ADGRG2: variants seen among roughly 807,000 people sequenced by gnomAD.
The protein encoded by ADGRG2 is adhesion G protein-coupled receptor G2.
Under a neutral mutation model 74.1 loss-of-function variants are expected in ADGRG2, and 26 were observed. The observed-to-expected ratio is 0.35, with a 90% CI of 0.26 to 0.49. ADGRG2 has a LOEUF of 0.49. Ranked by LOEUF, ADGRG2 falls within the 20% of genes least tolerant of loss-of-function variation. ADGRG2 has a pLI of 0.99. For synonymous variants in ADGRG2, 296 were observed against 295.2 expected, an observed-to-expected ratio of 1.00 and a Z score of -0.03; for missense variants, 619 against 763.1, an observed-to-expected ratio of 0.81 and a Z score of 2.22.
chrX:19,013,785 C>T lies in ADGRG2; in HGVS notation c.1000G>A (p.Val334Ile). Residue 334 changes from valine to isoleucine, a missense_variant, in exon 16 of 29, where the codon GTC becomes ATC. Physicochemically the swap from Val to Ile is conservative, Grantham distance 29. Coordinates refer to ENST00000379869, the MANE Select transcript of ADGRG2 (RefSeq NM_001079858.3). ...TISSPMPQTH[V>I]SGTPPPVKAS... ...TTCACAGGAGGTGGGGTGCCGGAGA[C>T]ATGGGTTTGGGGCATAGGGGAAGAG... 1 of 1,199,056 alleles carries T rather than the reference C, an allele frequency of 8.3e-7. No individual in the cohort carries two copies. The highest frequency in any genetic ancestry group is 3.0e-5 in the East Asian group (1 of 33,632).
chrX:19,107,241 A>T (rs992711741), intron 1 of ADGRG2, among the ~76,000 whole-genome samples: 1 of 112,349 alleles, frequency 8.9e-6, no homozygotes, highest in African/African-American at 3.2e-5. Context: ...ATCCCCAGGC[A>T]ATCGTTTTGC....
rs151258420 is a variant in ADGRG2 at position 19,059,160 on chromosome X, G to A, written c.118+9557C>T. ...ATTGTTGCGCCTGTGAATAGGCACC[G>A]CATTCCAGCCTGGGCAACACAGTGA... On this transcript the variant is annotated intron_variant, in intron 3 of 28. Transcript: ENST00000379869. Among the ~76,000 whole-genome samples, 138 of 111,444 alleles carry A rather than the reference G, an allele frequency of 1.2e-3. 2 individuals are homozygous for A. Among genetic ancestry groups the A allele is most frequent in the Middle Eastern group, 4.6e-3 (1 of 216 alleles).
intron 8 of ADGRG2, 83 bp from the exon 9 acceptor site, chrX:19,031,120 T>C: frequency 1.5e-6 from 1 of 664,427 alleles, no homozygotes; most frequent in East Asian, 3.3e-5. Context: ...TTCATAAACG[T>C]AGGCATCAAA....
At chrX:18,998,256 T>C (rs1350403585) in intron 26 of ADGRG2, among the ~76,000 whole-genome samples, 1 of 110,709 alleles carries the variant, frequency 9.0e-6, no homozygotes, top group Non-Finnish European at 1.9e-5. Flanking sequence ...GAGGGGAGAG[T>C]GGTGAGCTCC....
chrX:19,067,499 C>T (rs1458684196), intron 3 of ADGRG2, among the ~76,000 whole-genome samples: 1 of 111,743 alleles, frequency 8.9e-6, no homozygotes, highest in African/African-American at 3.3e-5. Context: ...AATGATAAAT[C>T]GATCAAAGGA....
In ADGRG2 at chrX:19,027,204, C is replaced by T. The variant is rs746045274; in HGVS notation, c.470+15G>A. 21 of 1,076,375 alleles carry T rather than the reference C, an allele frequency of 2.0e-5. No homozygotes were observed. In the South Asian group the frequency reaches 2.0e-4, roughly 10 times the overall value. The allele number at this position is 1,076,375 out of a possible 1,213,427, so 88.7% of individuals were successfully genotyped here. On this transcript the variant is annotated intron_variant, in intron 11 of 28. Coordinates refer to ENST00000379869, the MANE Select transcript of ADGRG2 (RefSeq NM_001079858.3). Reference sequence around the variant, plus strand: ...TTGATGTCTGCAGTTTCAAATCAAACGGCAGATTACTCACTTTAATTCACT... The same window carrying T: ...TTGATGTCTGCAGTTTCAAATCAAATGGCAGATTACTCACTTTAATTCACT...
intron 9 of ADGRG2, among the ~76,000 whole-genome samples, chrX:19,029,612 A>G (rs764037614): frequency 7.2e-5 from 8 of 111,556 alleles, no homozygotes; most frequent in Admixed American, 1.9e-4. Flanking sequence ...ACACTAAAAC[A>G]AACGGTCAAT....
chrX:19,093,156 C>T (rs1302176915), intron 1 of ADGRG2, among the ~76,000 whole-genome samples: 1 of 112,206 alleles, frequency 8.9e-6, no homozygotes, highest in Non-Finnish European at 1.9e-5. Context: ...AACTAACCTG[C>T]TCAGGGTTTG....
chrX:19,036,808 G>A (rs2060950918), intron 6 of ADGRG2, among the ~76,000 whole-genome samples: 1 of 111,459 alleles, frequency 9.0e-6, no homozygotes. Flanking sequence ...ATCTATGATT[G>A]TTTAGCTCCT....
At chrX:19,053,902 G>T (rs977285238) in intron 3 of ADGRG2, among the ~76,000 whole-genome samples, 3 of 111,425 alleles carry the variant, frequency 2.7e-5, no homozygotes, top group Non-Finnish European at 5.7e-5. Flanking sequence ...CAAGTGAAAG[G>T]GGGAAATCTC....
intron 11 of ADGRG2, among the ~76,000 whole-genome samples, chrX:19,024,614 G>T (rs1479618813): frequency 8.9e-6 from 1 of 112,177 alleles, no homozygotes; most frequent in African/African-American, 3.2e-5. Flanking sequence ...TGGTTGTTAC[G>T]CTGAGGAGGG....
intron 1 of ADGRG2, among the ~76,000 whole-genome samples, chrX:19,086,128 G>A (rs976335869): frequency 4.5e-5 from 5 of 111,792 alleles, no homozygotes; most frequent in African/African-American, 1.6e-4. Context: ...TGCCCCTGTG[G>A]CCACCACACA....
At chrX:19,078,988 T>C (rs1250944801) in intron 2 of ADGRG2, among the ~76,000 whole-genome samples, 1 of 110,814 alleles carries the variant, frequency 9.0e-6, no homozygotes, top group Non-Finnish European at 1.9e-5. Context: ...ATAATAAATA[T>C]AAAAGGCTCT....
At chrX:19,036,335 T>C (rs1192322358) in intron 6 of ADGRG2, 1 of 122,861 alleles carries the variant, frequency 8.1e-6, no homozygotes, top group Non-Finnish European at 1.7e-5. Flanking sequence ...TTTCCAACAT[T>C]AATACTGATT....
At chrX:19,081,983 G>C (rs1335038114) in intron 2 of ADGRG2, among the ~76,000 whole-genome samples, 1 of 103,607 alleles carries the variant, frequency 9.7e-6, no homozygotes, top group African/African-American at 3.6e-5. Flanking sequence ...TGAGGTGGGA[G>C]GATCACTTGA....
intron 1 of ADGRG2, among the ~76,000 whole-genome samples, chrX:19,120,394 T>C (rs1332425014): frequency 8.9e-6 from 1 of 112,246 alleles, no homozygotes; most frequent in Non-Finnish European, 1.9e-5. Context: ...CAAACTTAAT[T>C]GTATTGTCTA....
chrX:19,001,770 A>G (rs2060136393), intron 24 of ADGRG2, among the ~76,000 whole-genome samples: 1 of 111,340 alleles, frequency 9.0e-6, no homozygotes, highest in South Asian at 3.8e-4. Flanking sequence ...TTAGCCTGAA[A>G]ATAGAGGCAG....
At chrX:19,041,224 T>C (rs1310535693) in intron 3 of ADGRG2, among the ~76,000 whole-genome samples, 1 of 111,982 alleles carries the variant, frequency 8.9e-6, no homozygotes, top group East Asian at 2.8e-4. Flanking sequence ...TTAATGGGCA[T>C]TTTGGTGTGT....
Position 19,027,236 on chromosome X carries a change from C to T in ADGRG2, c.453G>A (p.Leu151=), listed in dbSNP as rs760767691. ...TTACTCACTTTAATTCACTTAGAGACAGGACTCCAGTTAAGGTGCCATTCG... is the reference window on the plus strand; with the variant it reads ...TTACTCACTTTAATTCACTTAGAGATAGGACTCCAGTTAAGGTGCCATTCG... ...HITNGTLTGV[L]SLSELKRSEL... The change falls in exon 11 of 29, where the codon CTG becomes CTA. Residue 151 remains leucine (L), a synonymous_variant. Coordinates refer to ENST00000379869, the MANE Select transcript of ADGRG2 (RefSeq NM_001079858.3). 1 of 1,153,871 alleles carries T rather than the reference C, an allele frequency of 8.7e-7. No homozygotes were observed. Among genetic ancestry groups the T allele is most frequent in the Non-Finnish European group, 1.2e-6 (1 of 842,787 alleles).
Sources: gnomAD v4.1 joint callset for allele counts (sites outside exome capture counted in the v4.1 genomes callset) on GRCh38, gnomAD v4.1.1 for gene constraint, MANE v1.5 for transcripts, NCBI Gene and HGNC (gene_info 2026-07-23, HGNC 2026-07-21) for gene names.